Variants in RAB3IL1 observed in about 807,000 individuals in gnomAD.
RAB3IL1 encodes guanine nucleotide exchange factor for Rab-3A.
RAB3IL1 carries 37 observed loss-of-function variants against 49.2 expected under a neutral mutation model. The ratio of observed to expected loss-of-function variants is 0.75; its 90% CI spans 0.58 to 0.99. The LOEUF is 0.99. Among genes scored for constraint, RAB3IL1 ranks in the 50% least tolerant of loss-of-function variants. The probability of loss-of-function intolerance (pLI) is 0.00; values close to 1 mark genes in which losing one functional copy is unlikely to be tolerated. For synonymous variants in RAB3IL1, 193 were observed against 213.9 expected (o/e 0.90, Z 0.85); for missense variants, 484 against 513.0 (o/e 0.94, Z 0.55).
the RAB3IL1 span, among the ~76,000 whole-genome samples, chr11:61,931,649 GAGAAGGAAGGCAAGGAGGAGGA>G: frequency 6.6e-6 from 1 of 152,108 alleles, no homozygotes; most frequent in South Asian, 2.1e-4. Context: ...GGAGGAGGAG[GAGAAGGAAGGCAAGGAGGAGGA>G]AGAAGGAGAG....
At chr11:61,938,481 A>T in the RAB3IL1 span, among the ~76,000 whole-genome samples, 2 of 152,236 alleles carry the variant, frequency 1.3e-5, no homozygotes, top group Non-Finnish European at 2.9e-5. Context: ...AAAAATTGTT[A>T]CAAGGGACAA....
At chr11:61,913,912 G>A (rs574251889) in intron 1 of RAB3IL1, among the ~76,000 whole-genome samples, 45 of 152,306 alleles carry the variant, frequency 3.0e-4, no homozygotes, top group African/African-American at 1.1e-3. Context: ...GGATTCTAAT[G>A]AGGATGTCTG....
chr11:61,916,144 G>A (rs1182887939), intron 1 of RAB3IL1, among the ~76,000 whole-genome samples: 3 of 151,936 alleles, frequency 2.0e-5, no homozygotes, highest in Non-Finnish European at 2.9e-5. Flanking sequence ...TCAGGAGTTC[G>A]AGACCAGCCT....
At chr11:61,905,105 C>T (rs930416884) in intron 5 of RAB3IL1, among the ~76,000 whole-genome samples, 7 of 152,170 alleles carry the variant, frequency 4.6e-5, no homozygotes, top group African/African-American at 9.7e-5. Context: ...GTTTCCAGGC[C>T]GGTGTTAAAT....
chr11:61,902,640 G>T, intron 7 of RAB3IL1, 99 bp from the exon 8 acceptor site: 1 of 1,090,610 alleles, frequency 9.2e-7, no homozygotes, highest in Non-Finnish European at 1.3e-6. Context: ...AGGATGCATG[G>T]GGAGGGGCAG....
At chr11:61,945,509 C>T in the RAB3IL1 span, among the ~76,000 whole-genome samples, 1 of 152,214 alleles carries the variant, frequency 6.6e-6, no homozygotes, top group Non-Finnish European at 1.5e-5. Context: ...TTCTCTGTGC[C>T]TCAGTTTCTT....
At chr11:61,934,446 G>GTATATA in the RAB3IL1 span, among the ~76,000 whole-genome samples, 5 of 24,400 alleles carry the variant, frequency 2.0e-4, no homozygotes, top group Admixed American at 5.8e-4. Context: ...GTGTGTGTGT[G>GTATATA]TATGTATATA....
intron 4 of RAB3IL1, among the ~76,000 whole-genome samples, 188 bp downstream of exon 4, chr11:61,907,205 C>T (rs745664446): frequency 7.9e-5 from 12 of 152,218 alleles, no homozygotes; most frequent in Non-Finnish European, 1.5e-4. Flanking sequence ...GATGGAGCCC[C>T]GGGACACTGG....
the RAB3IL1 span, among the ~76,000 whole-genome samples, chr11:61,925,892 A>G: frequency 6.6e-6 from 1 of 152,228 alleles, no homozygotes; most frequent in East Asian, 1.9e-4. Flanking sequence ...ATGGTTAAAC[A>G]TTTTTGAGCA....
At chr11:61,930,615 C>T in the RAB3IL1 span, among the ~76,000 whole-genome samples, 2 of 151,958 alleles carry the variant, frequency 1.3e-5, no homozygotes, top group Admixed American at 1.3e-4. Context: ...CCCATCTCTA[C>T]AAAAAATCAA....
chr11:61,921,100 G>A (rs1041024933), upstream of RAB3IL1, among the ~76,000 whole-genome samples: 1 of 152,072 alleles, frequency 6.6e-6, no homozygotes, highest in African/African-American at 2.4e-5. Flanking sequence ...CCCAGCTCAA[G>A]CCATCCTCCC....
chr11:61,924,523 T>G (rs1939964490), upstream of RAB3IL1, among the ~76,000 whole-genome samples: 2 of 151,928 alleles, frequency 1.3e-5, no homozygotes, highest in South Asian at 2.1e-4. Context: ...CCACCACAGC[T>G]GCCCAGGCCC....
intron 8 of RAB3IL1, among the ~76,000 whole-genome samples, chr11:61,900,943 T>C (rs917193697): frequency 1.3e-5 from 2 of 151,328 alleles, no homozygotes; most frequent in African/African-American, 4.9e-5. Context: ...TGGGCACAAA[T>C]CCACAGGGTA....
At chr11:61,944,254 C>CCTTT in the RAB3IL1 span, among the ~76,000 whole-genome samples, 1 of 150,052 alleles carries the variant, frequency 6.7e-6, no homozygotes, top group Admixed American at 6.7e-5. Flanking sequence ...TTCCTTCCTT[C>CCTTT]CTTCCTTCCT....
In RAB3IL1 at chr11:61,907,339, C is replaced by T. The variant is rs922704795; in HGVS notation, c.438+54G>A. The T allele has an allele frequency of 3.2e-6, 5 of 1,581,572 alleles. No homozygotes were observed. The African/African-American group carries it at 4.0e-5, about 13-fold the overall frequency. On this transcript the variant is annotated intron_variant, in intron 4 of 9. Transcript: ENST00000394836. ...CAGCAAAGCTCAGTGCTCGCTGAGC[C>T]GGGAGGCAGGGGGGGTGCCTGGGCT...
At position 61,907,612 on chromosome 11, in the gene RAB3IL1, C is replaced by T. The variant is rs751031022; in HGVS notation, c.313G>A (p.Glu105Lys). 1 of 1,614,100 alleles carries T rather than the reference C, an allele frequency of 6.2e-7. No homozygotes were observed. The highest frequency in any genetic ancestry group is 8.5e-7 in the Non-Finnish European group (1 of 1,180,028). Residue 105 changes from glutamate to lysine, a missense_variant, in exon 3 of 10, where the codon GAG (glutamate) becomes AAG (lysine). Transcript: ENST00000394836. ...EECERLSKVR[E>K]QLEQELEELT... is the part of the protein sequence containing the mutation. ...TCTTCCAGCTCCTGTTCTAGCTGCT[C>T]CCGCACCTTGGACAGCCGCTCACAT... is the stretch of plus-strand genomic sequence containing the variant.
At position 61,899,071 on chromosome 11, in the gene RAB3IL1, T is replaced by C. The variant is rs190197025; in HGVS notation, c.1066+243A>G. On this transcript the variant is annotated intron_variant, in intron 9 of 9. Transcript: ENST00000394836. ...AGGGCCAGGGAGAGATTCACAGGGG[T>C]GGCCCCCTTGTGCGGGGCCGGGAGA... 1.9e-3 allele frequency: 1,084 copies of C among 575,916 alleles called. 3 individuals carry two copies. Among genetic ancestry groups the C allele is most frequent in the Middle Eastern group, 3.8e-3 (8 of 2,092 alleles). 35.7% of individuals were successfully genotyped at this position (575,916 alleles called of 1,614,324 possible). A position where few individuals can be genotyped will look rare whatever the true frequency, so the allele number is the denominator to read the frequency against.
In RAB3IL1 at chr11:61,898,723, A is replaced by G. The variant is rs1938738197; in HGVS notation, c.1067-363T>C. On this transcript the variant is annotated intron_variant, in intron 9 of 9. Transcript: ENST00000394836. The surrounding 1 kb of genome is among the most constrained non-coding windows in gnomAD (Gnocchi z 5.1). The stretch of plus-strand genomic sequence containing the variant: ...CTGGGGTCTCACAAGGACCCTGCGC[A>G]GTGAGGCGGGGACCACAGCGGCCAT... The G allele has an allele frequency of 2.1e-6, 1 of 484,026 alleles. No individual in the cohort carries two copies. Among genetic ancestry groups the G allele is most frequent in the East Asian group, 6.1e-5 (1 of 16,486 alleles). 30.0% of individuals were successfully genotyped at this position (484,026 alleles called of 1,614,324 possible).
At chr11:61,916,195 A>T (rs1939678335) in intron 1 of RAB3IL1, among the ~76,000 whole-genome samples, 1 of 151,854 alleles carries the variant, frequency 6.6e-6, no homozygotes, top group Admixed American at 6.6e-5. Context: ...AAAATACAAA[A>T]ATTAGCCGGG....
Sources: gnomAD v4.1 joint callset for allele counts (sites outside exome capture counted in the v4.1 genomes callset) on GRCh38, gnomAD v4.1.1 for gene constraint, Gnocchi (gnomAD v3.1) non-coding constraint, MANE v1.5 for transcripts, NCBI Gene and HGNC (gene_info 2026-07-23, HGNC 2026-07-21) for gene names.